Variants in SLC5A12 observed in about 807,000 individuals in gnomAD.
SLC5A12 encodes the protein solute carrier family 5 member 12, also known as sodium-coupled monocarboxylate transporter 2.
In SLC5A12, 46 loss-of-function variants were observed where a neutral mutation model predicts 72.7. The ratio of observed to expected loss-of-function variants is 0.63; its 90% confidence interval spans 0.50 to 0.81. The LOEUF is 0.81. SLC5A12 is among the 30% of genes least tolerant of loss of function. The pLI, the probability that SLC5A12 is intolerant of heterozygous loss-of-function variation, is 0.00. For synonymous variants in SLC5A12, 275 were observed against 264.4 expected, an observed-to-expected ratio of 1.04 and a Z score of -0.39; for missense variants, 683 against 740.7, an observed-to-expected ratio of 0.92 and a Z score of 0.90.
Position 26,670,938 on chromosome 11 carries a change from C to G in SLC5A12, c.*164G>C. ...TTCAAAGAATATCCCGAGAGACAGT[C>G]ATTTTGCATGTAGTTATAAATAAGT... On this transcript the variant is annotated 3_prime_UTR_variant, in exon 15 of 15. Coordinates refer to ENST00000396005, the MANE Select transcript of SLC5A12 (RefSeq NM_178498.4). 1.8e-6 allele frequency: 1 copy of G among 558,968 alleles called. No individual in the cohort carries two copies. Among genetic ancestry groups the G allele is most frequent in the Non-Finnish European group, 2.9e-6 (1 of 349,644 alleles). The allele number at this position is 558,968 out of a possible 1,614,324, so 34.6% of individuals were successfully genotyped here.
intron 7 of SLC5A12, among the ~76,000 whole-genome samples, 153 bp from the exon 8 acceptor site, chr11:26,697,405 T>C (rs1854848095): frequency 6.6e-6 from 1 of 152,154 alleles, no homozygotes; most frequent in Non-Finnish European, 1.5e-5. Flanking sequence ...AGGAAGTTTA[T>C]TTTCCTTGTT....
At chr11:26,676,191 T>C (rs1251607469) in intron 13 of SLC5A12, among the ~76,000 whole-genome samples, 1 of 152,152 alleles carries the variant, frequency 6.6e-6, no homozygotes, top group Non-Finnish European at 1.5e-5. Context: ...TCTGATGAGA[T>C]TAATTATCTA....
intron 11 of SLC5A12, among the ~76,000 whole-genome samples, chr11:26,682,683 C>T (rs1013284844): frequency 6.6e-6 from 1 of 151,338 alleles, no homozygotes; most frequent in South Asian, 2.1e-4. Context: ...GTTTTCCTGA[C>T]CAAATAGAAA....
intron 11 of SLC5A12, among the ~76,000 whole-genome samples, chr11:26,682,575 T>C (rs1187921842): frequency 6.6e-6 from 1 of 152,134 alleles, no homozygotes; most frequent in African/African-American, 2.4e-5. Context: ...ATTAAATATC[T>C]AGGCAAAGGC....
chr11:26,680,981 T>C (rs1854398279), intron 12 of SLC5A12, 74 bp downstream of exon 12: 4 of 1,340,290 alleles, frequency 3.0e-6, no homozygotes, highest in Non-Finnish European at 4.0e-6. Context: ...CACACTTATC[T>C]CTGAAGAGTG....
At chr11:26,692,371 C>T in intron 9 of SLC5A12, 118 bp downstream of exon 9, 1 of 693,014 alleles carries the variant, frequency 1.4e-6, no homozygotes. Flanking sequence ...GGATTCTTCA[C>T]ATATCTCACA....
At chr11:26,704,022 A>AATGC (rs1285896064) in intron 4 of SLC5A12, 75 bp from the exon 5 acceptor site, 6 of 1,490,126 alleles carry the variant, frequency 4.0e-6, no homozygotes, top group Non-Finnish European at 5.6e-6. Context: ...CCTCTCTGCT[A>AATGC]ATGCATGCAT....
At position 26,712,667 on chromosome 11, in the gene SLC5A12, C is replaced by A; in HGVS notation, c.379G>T (p.Ala127Ser). 2.5e-6 allele frequency: 4 copies of A among 1,589,724 alleles called. No homozygotes were observed. The highest frequency in any genetic ancestry group is 3.4e-6 in the Non-Finnish European group (4 of 1,162,204). The change falls in exon 2 of 15, where the codon GCC (alanine) becomes TCC (serine). Residue 127 changes from alanine to serine, a missense_variant. Physicochemically the swap from Ala to Ser is moderately conservative, Grantham distance 99. Coordinates refer to ENST00000396005, the MANE Select transcript of SLC5A12 (RefSeq NM_178498.4). The stretch of plus-strand genomic sequence containing the variant: ...GTCTGTACAATGTAGATGACCGTGG[C>A]AGCATAGCGAACTGGTTTGTTGAAT... ...LRFNKPVRYA[A>S]TVIYIVQTIL...
intron 6 of SLC5A12, among the ~76,000 whole-genome samples, chr11:26,702,082 G>T (rs1169649573): frequency 6.6e-6 from 1 of 151,980 alleles, no homozygotes; most frequent in Non-Finnish European, 1.5e-5. Flanking sequence ...CTCTTTACAG[G>T]TACAGCCAAC....
rs779158078 is a variant in SLC5A12, at chr11:26,703,936, T to C, written c.537A>G (p.Lys179=). Residue 179 remains lysine, a synonymous_variant, in exon 5 of 15, where the codon AAA becomes AAG. Transcript: ENST00000396005. ...GAAATGCATCTGTCCACACCACTGC[T>C]TTTAATCCTCCCTGAAATAGAGAGA... The part of the protein sequence containing the change: ...CTFYCTLGGL[K]AVVWTDAFQM... 67 of 1,613,552 alleles carry C rather than the reference T, an allele frequency of 4.2e-5. 1 individual carries two copies. The highest frequency in any genetic ancestry group is 4.0e-4 in the South Asian group (36 of 91,058).
At chr11:26,704,758 G>A (rs1169712975) in intron 4 of SLC5A12, among the ~76,000 whole-genome samples, 2 of 152,216 alleles carry the variant, frequency 1.3e-5, no homozygotes, top group Admixed American at 6.5e-5. Context: ...TTGAATACAG[G>A]TGGTAAAGAA....
chr11:26,695,967 T>G (rs1854801652), intron 8 of SLC5A12, among the ~76,000 whole-genome samples: 2 of 152,200 alleles, frequency 1.3e-5, no homozygotes, highest in South Asian at 4.1e-4. Context: ...ATGTTCCTGC[T>G]TGTGCTCTTC....
chr11:26,704,715 T>G (rs1426435190), intron 4 of SLC5A12, among the ~76,000 whole-genome samples: 1 of 152,078 alleles, frequency 6.6e-6, no homozygotes, highest in Non-Finnish European at 1.5e-5. Flanking sequence ...GATGGACTGT[T>G]TTGGAGGTAA....
At chr11:26,720,042 T>C (rs888180239) in intron 1 of SLC5A12, among the ~76,000 whole-genome samples, 3 of 152,186 alleles carry the variant, frequency 2.0e-5, no homozygotes, top group African/African-American at 7.2e-5. Context: ...CATAAGGAAC[T>C]TAGAGAAGTA....
At chr11:26,678,371 TTTGG>T (rs1458743452) in intron 13 of SLC5A12, among the ~76,000 whole-genome samples, 1 of 152,048 alleles carries the variant, frequency 6.6e-6, no homozygotes, top group Non-Finnish European at 1.5e-5. Flanking sequence ...TGTTTTTTTG[TTTGG>T]TTGGGGTTTT....
chr11:26,711,335 C>G lies in SLC5A12; in HGVS notation c.429G>C (p.Val143=). 6.2e-7 allele frequency: 1 copy of G among 1,611,868 alleles called. No homozygotes were observed. The highest frequency in any genetic ancestry group is 2.2e-5 in the East Asian group (1 of 44,800). The change falls in exon 3 of 15, where the codon GTG becomes GTC. Residue 143 remains valine (V), a synonymous_variant. Transcript: ENST00000396005. ...GATTGAGTGCCAGGGCAGGAGCATACACCACCACTCCTGTGTAGAGAATCT... is the reference window on the plus strand; with the variant it reads ...GATTGAGTGCCAGGGCAGGAGCATAGACCACCACTCCTGTGTAGAGAATCT... ...VQTILYTGVV[V]YAPALALNQV...
intron 13 of SLC5A12, among the ~76,000 whole-genome samples, chr11:26,677,103 A>G (rs1390996001): frequency 6.6e-6 from 1 of 151,616 alleles, no homozygotes; most frequent in East Asian, 1.9e-4. Flanking sequence ...GCTAGCCCTA[A>G]GGCCTCATTT....
In SLC5A12 at chr11:26,688,564, A is replaced by G. The variant is rs148524153; in HGVS notation, c.1154-2020T>C. ...CAAAATGTTGCCAAAAATGGGAATGAATATATTAACCTAAAAACTGAAATA... is the reference window on the plus strand; with the variant it reads ...CAAAATGTTGCCAAAAATGGGAATGGATATATTAACCTAAAAACTGAAATA... On this transcript the variant is annotated intron_variant, in intron 9 of 14. Coordinates refer to ENST00000396005, the MANE Select transcript of SLC5A12 (RefSeq NM_178498.4). Among the ~76,000 whole-genome samples, 620 of 152,332 alleles carry G rather than the reference A, an allele frequency of 4.1e-3. 4 individuals are homozygous for G. The highest frequency in any genetic ancestry group is 0.014 in the African/African-American group (587 of 41,578).
intron 4 of SLC5A12, among the ~76,000 whole-genome samples, chr11:26,704,713 G>A (rs1855044431): frequency 6.6e-6 from 1 of 152,116 alleles, no homozygotes; most frequent in South Asian, 2.1e-4. Context: ...TGGATGGACT[G>A]TTTTGGAGGT....
Sources: allele counts gnomAD v4.1 joint callset (sites outside exome capture counted in the v4.1 genomes callset), GRCh38; gene constraint gnomAD v4.1.1; transcripts MANE v1.5; gene names NCBI Gene and HGNC (gene_info 2026-07-23, HGNC 2026-07-21).